The following LRTM1 variants were observed in gnomAD, a reference collection of about 807,000 sequenced individuals.
The protein encoded by LRTM1 is leucine-rich repeat and transmembrane domain-containing protein 1.
Under a neutral mutation model 32.4 loss-of-function variants are expected in LRTM1, and 38 were observed. The ratio of observed to expected loss-of-function variants is 1.17; its 90% CI spans 0.91 to 1.54. LRTM1 has a LOEUF of 1.54. LRTM1 is among the 40% of genes most tolerant of loss of function. The pLI is 0.00. For synonymous variants in LRTM1, 186 were observed against 169.9 expected, an observed-to-expected ratio of 1.09 and a Z score of -0.74; for missense variants, 466 against 415.4, an observed-to-expected ratio of 1.12 and a Z score of -1.06.
intron 1 of LRTM1, among the ~76,000 whole-genome samples, chr3:54,963,167 A>C (rs1172202082): frequency 6.6e-6 from 1 of 152,136 alleles, no homozygotes; most frequent in Non-Finnish European, 1.5e-5. Context: ...GGTTCATTCA[A>C]ACTCATTTCC....
chr3:54,950,026 C>T (rs1229368844), intron 1 of LRTM1, among the ~76,000 whole-genome samples: 1 of 152,202 alleles, frequency 6.6e-6, no homozygotes, highest in African/African-American at 2.4e-5. Context: ...TTGAAGTCTA[C>T]CACCTCCAGT....
chr3:54,942,650 A>G (rs531896362), intron 1 of LRTM1, among the ~76,000 whole-genome samples: 1 of 152,302 alleles, frequency 6.6e-6, no homozygotes, highest in Non-Finnish European at 1.5e-5. Flanking sequence ...GCAGCTTGGG[A>G]GACTGAGCCA....
rs533596688 is a variant in LRTM1, at chr3:54,918,332, CTTTTTTTTTTTTTT to C, written c.*113_*126del. On this transcript the variant is annotated 3_prime_UTR_variant, in exon 3 of 3. Transcript: ENST00000273286. ...TTTTACAGACACATCTTTTTTTTTTCTTTTTTTTTTTTTTTTTTTTTTTGTCTTTTGGCAAAAGC... is the reference window on the plus strand; with the variant it reads ...TTTTACAGACACATCTTTTTTTTTTCTTTTTTTTTGTCTTTTGGCAAAAGC... 11 of 228,020 alleles carry C rather than the reference CTTTTTTTTTTTTTT, an allele frequency of 4.8e-5. 1 individual carries two copies. The highest frequency in any genetic ancestry group is 6.8e-5 in the East Asian group (1 of 14,634). 14.1% of individuals were successfully genotyped at this position (228,020 alleles called of 1,614,324 possible). A position where few individuals can be genotyped will look rare whatever the true frequency, so the allele number is the denominator to read the frequency against.
At chr3:54,953,632 C>G (rs1701811903) in intron 1 of LRTM1, among the ~76,000 whole-genome samples, 1 of 152,204 alleles carries the variant, frequency 6.6e-6, no homozygotes, top group African/African-American at 2.4e-5. Flanking sequence ...AGACTTCTGT[C>G]CATGCTAAAA....
chr3:54,953,718 C>T (rs979471452), intron 1 of LRTM1, among the ~76,000 whole-genome samples: 2 of 152,290 alleles, frequency 1.3e-5, no homozygotes, highest in African/African-American at 2.4e-5. Flanking sequence ...TGCCTGTGAA[C>T]GCTTGGGGCA....
intron 1 of LRTM1, among the ~76,000 whole-genome samples, chr3:54,955,519 C>T (rs1175950686): frequency 2.0e-5 from 3 of 152,282 alleles, no homozygotes; most frequent in Non-Finnish European, 4.4e-5. Flanking sequence ...GAGTCCCTCC[C>T]TGCACTTAGG....
chr3:54,921,031 T>A (rs980327003), intron 2 of LRTM1, among the ~76,000 whole-genome samples: 1 of 152,084 alleles, frequency 6.6e-6, no homozygotes, highest in Non-Finnish European at 1.5e-5. Context: ...GGGATGCAAC[T>A]CCCACTCTCC....
chr3:54,921,011 A>T (rs1700832402), intron 2 of LRTM1, among the ~76,000 whole-genome samples: 1 of 152,132 alleles, frequency 6.6e-6, no homozygotes, highest in South Asian at 2.1e-4. Context: ...TGTGCAGGTG[A>T]TCCTCAGCCG....
intron 1 of LRTM1, among the ~76,000 whole-genome samples, chr3:54,933,336 T>TC (rs1559635796): frequency 6.6e-6 from 1 of 152,216 alleles, no homozygotes. Context: ...TTATTTCTCT[T>TC]ATCACAGTCT....
intron 1 of LRTM1, among the ~76,000 whole-genome samples, chr3:54,951,416 GCCATCGACA>G (rs1375301687): frequency 6.6e-6 from 1 of 152,218 alleles, no homozygotes; most frequent in East Asian, 1.9e-4. Context: ...AGAGTTCCAA[GCCATCGACA>G]CCATTAGGGA....
At chr3:54,932,120 A>G (rs1701205347), upstream of LRTM1, among the ~76,000 whole-genome samples, 1 of 152,118 alleles carries the variant, frequency 6.6e-6, no homozygotes, top group South Asian at 2.1e-4. Flanking sequence ...AGTGGGCTGC[A>G]GTGAGCCGAG....
intron 1 of LRTM1, among the ~76,000 whole-genome samples, chr3:54,960,278 T>C (rs1702000204): frequency 6.6e-6 from 1 of 151,982 alleles, no homozygotes; most frequent in African/African-American, 2.4e-5. Context: ...CCTCCCTCTC[T>C]CTCACCACAG....
At chr3:54,950,438 C>G (rs1701730037) in intron 1 of LRTM1, among the ~76,000 whole-genome samples, 1 of 152,174 alleles carries the variant, frequency 6.6e-6, no homozygotes, top group Admixed American at 6.5e-5. Flanking sequence ...TGTGAAATTG[C>G]AGTGTTCCTT....
chr3:54,937,378 AG>A (rs1163614882), intron 1 of LRTM1, among the ~76,000 whole-genome samples: 20 of 152,172 alleles, frequency 1.3e-4, no homozygotes. Context: ...TCGGTATATG[AG>A]GGGGATTGGT....
intron 2 of LRTM1, among the ~76,000 whole-genome samples, chr3:54,923,093 C>T (rs976264914): frequency 6.6e-6 from 1 of 152,168 alleles, no homozygotes; most frequent in East Asian, 1.9e-4. Flanking sequence ...TGCAGCCTTT[C>T]GTCAGTTCTC....
intron 1 of LRTM1, among the ~76,000 whole-genome samples, chr3:54,941,614 A>G (rs1052074219): frequency 2.0e-5 from 3 of 152,164 alleles, no homozygotes; most frequent in Non-Finnish European, 2.9e-5. Context: ...TATTGTTTTC[A>G]TTGTCTTTTG....
chr3:54,925,362 C>T (rs1340263435), intron 1 of LRTM1, 147 bp from the exon 2 acceptor site: 3 of 656,412 alleles, frequency 4.6e-6, no homozygotes, highest in Non-Finnish European at 7.8e-6. Context: ...CACTCACCGT[C>T]TTTAGTAGAG....
chr3:54,934,311 G>A (rs1042110440), intron 1 of LRTM1, among the ~76,000 whole-genome samples: 1 of 152,206 alleles, frequency 6.6e-6, no homozygotes, highest in African/African-American at 2.4e-5. Flanking sequence ...CTCAGGAGGT[G>A]AGAACATAGT....
At chr3:54,925,331 A>G (rs780306657) in intron 1 of LRTM1, 116 bp from the exon 2 acceptor site, 1 of 807,302 alleles carries the variant, frequency 1.2e-6, no homozygotes, top group Non-Finnish European at 2.0e-6. Flanking sequence ...AACCTTCTAC[A>G]ACCTGCAAGA....
Sources: gnomAD v4.1 joint callset for allele counts (sites outside exome capture counted in the v4.1 genomes callset) on GRCh38, gnomAD v4.1.1 for gene constraint, MANE v1.5 for transcripts, NCBI Gene and HGNC (gene_info 2026-07-23, HGNC 2026-07-21) for gene names.